Variants in IGSF5 observed in about 807,000 individuals in gnomAD.
The protein encoded by IGSF5 is immunoglobulin superfamily 5 like.
Under a neutral mutation model 39.4 loss-of-function variants are expected in IGSF5, and 41 were observed. The observed-to-expected ratio is 1.04, with a 90% CI of 0.81 to 1.35. The LOEUF (loss-of-function observed/expected upper bound fraction) is 1.35, where lower values mean the gene tolerates loss of function less well. Among genes scored for constraint, IGSF5 ranks in the 40% most tolerant of loss-of-function variants. The pLI is 0.00. For synonymous variants in IGSF5, 183 were observed against 175.3 expected (o/e 1.04, Z -0.34); for missense variants, 487 against 494.6 (o/e 0.98, Z 0.15).
intron 5 of IGSF5, among the ~76,000 whole-genome samples, chr21:39,782,410 C>T (rs1280279376): frequency 6.6e-6 from 1 of 152,176 alleles, no homozygotes; most frequent in Admixed American, 6.5e-5. Flanking sequence ...AGTTCAGTAG[C>T]ATTAAATACA....
intron 3 of IGSF5, 93 bp downstream of exon 3, chr21:39,765,945 G>T: frequency 8.7e-7 from 1 of 1,149,120 alleles, no homozygotes. Context: ...GATGGCAGAC[G>T]TGGTCTACCT....
At chr21:39,737,607 C>T in the IGSF5 span, among the ~76,000 whole-genome samples, 1 of 152,322 alleles carries the variant, frequency 6.6e-6, no homozygotes, top group East Asian at 1.9e-4. Flanking sequence ...AAGGATATTG[C>T]AACTCACACC....
chr21:39,785,259 G>A (rs564886265), intron 5 of IGSF5, among the ~76,000 whole-genome samples: 265 of 149,182 alleles, frequency 1.8e-3, no homozygotes, highest in African/African-American at 6.2e-3. Context: ...GCATGGGCAA[G>A]GACTTTATGT....
chr21:39,763,789 G>A (rs1445877627), intron 2 of IGSF5, among the ~76,000 whole-genome samples: 2 of 152,114 alleles, frequency 1.3e-5, no homozygotes, highest in Non-Finnish European at 2.9e-5. Flanking sequence ...GCGCAGACTC[G>A]GCTGTTTTCT....
the IGSF5 span, among the ~76,000 whole-genome samples, chr21:39,721,196 C>T: frequency 1.2e-4 from 19 of 152,154 alleles, no homozygotes; most frequent in Non-Finnish European, 2.2e-4. Flanking sequence ...AGACAAAACT[C>T]GTGGCCTCCC....
chr21:39,723,774 A>G, the IGSF5 span, among the ~76,000 whole-genome samples: 1 of 152,242 alleles, frequency 6.6e-6, no homozygotes, highest in African/African-American at 2.4e-5. Context: ...TTCTTTGTAA[A>G]AAAATATGAA....
At chr21:39,799,816 C>T (rs1318104181) in intron 8 of IGSF5, among the ~76,000 whole-genome samples, 2 of 151,954 alleles carry the variant, frequency 1.3e-5, no homozygotes, top group Non-Finnish European at 1.5e-5. Flanking sequence ...TTGCATTCAA[C>T]GTAAATGAAA....
the IGSF5 span, among the ~76,000 whole-genome samples, chr21:39,727,020 A>G: frequency 6.6e-6 from 1 of 152,112 alleles, no homozygotes; most frequent in Non-Finnish European, 1.5e-5. Context: ...GGGTGGCCAC[A>G]GTGCTGTAAC....
intron 8 of IGSF5, among the ~76,000 whole-genome samples, chr21:39,793,993 C>T (rs138472323): frequency 4.3e-4 from 65 of 152,274 alleles, no homozygotes; most frequent in Non-Finnish European, 5.0e-4. Flanking sequence ...CCTGGTTACC[C>T]GCTCCCACGT....
intron 2 of IGSF5, among the ~76,000 whole-genome samples, chr21:39,755,612 T>G (rs2080026025): frequency 6.6e-6 from 1 of 151,038 alleles, no homozygotes; most frequent in African/African-American, 2.4e-5. Flanking sequence ...AATTAGTAAA[T>G]GATTTATTTG....
chr21:39,763,963 A>C (rs1476413665), intron 2 of IGSF5, among the ~76,000 whole-genome samples: 1 of 152,042 alleles, frequency 6.6e-6, no homozygotes, highest in Non-Finnish European at 1.5e-5. Flanking sequence ...ACCTAATCTG[A>C]GTTGTGTTTT....
intron 6 of IGSF5, chr21:39,791,555 GTC>G (rs1305096252): frequency 6.5e-6 from 1 of 152,718 alleles, no homozygotes; most frequent in Non-Finnish European, 1.5e-5. Context: ...CAGCCATATG[GTC>G]TCTGTCATGA....
intron 5 of IGSF5, among the ~76,000 whole-genome samples, chr21:39,785,453 A>G (rs2080195651): frequency 1.3e-5 from 2 of 152,164 alleles, no homozygotes; most frequent in African/African-American, 4.8e-5. Flanking sequence ...TGTTTTGGTT[A>G]CTGTAGCCTT....
chr21:39,724,301 A>G, the IGSF5 span, among the ~76,000 whole-genome samples: 5 of 152,136 alleles, frequency 3.3e-5, no homozygotes, highest in Non-Finnish European at 7.3e-5. Context: ...GGAGGTGTAG[A>G]CATTTGACTA....
In IGSF5 at chr21:39,745,498, G is replaced by A. The variant is rs1048679345; in HGVS notation, c.-12G>A. The A allele has an allele frequency of 1.4e-6, 1 of 716,308 alleles. No homozygotes were observed. The highest frequency in any genetic ancestry group is 2.6e-6 in the Non-Finnish European group (1 of 384,758). 44.4% of individuals were successfully genotyped at this position (716,308 alleles called of 1,614,324 possible). ...ATACTTTCAAGAAAGTCGTGTTCGG[G>A]ACCCAGGAGGTATGGGTCAGAAGGA... On this transcript the variant is annotated 5_prime_UTR_variant, in exon 1 of 9. Coordinates refer to ENST00000380588, the MANE Select transcript of IGSF5 (RefSeq NM_001080444.2).
At chr21:39,728,764 C>CT in the IGSF5 span, among the ~76,000 whole-genome samples, 2 of 152,104 alleles carry the variant, frequency 1.3e-5, no homozygotes, top group African/African-American at 4.8e-5. Flanking sequence ...TGAATGAACT[C>CT]TTTTTTTGGT....
At chr21:39,797,957 T>C (rs1471823558) in intron 8 of IGSF5, among the ~76,000 whole-genome samples, 1 of 151,754 alleles carries the variant, frequency 6.6e-6, no homozygotes, top group Non-Finnish European at 1.5e-5. Flanking sequence ...TCAAACTGCC[T>C]TTCCACGCCT....
intron 4 of IGSF5, among the ~76,000 whole-genome samples, chr21:39,771,852 G>C (rs1284795934): frequency 2.0e-5 from 3 of 152,164 alleles, no homozygotes; most frequent in South Asian, 4.1e-4. Context: ...GCCTGGACAG[G>C]GTGGGCCCGG....
intron 2 of IGSF5, among the ~76,000 whole-genome samples, chr21:39,746,678 A>G (rs1374606981): frequency 1.8e-4 from 1 of 5,714 alleles, no homozygotes; most frequent in Non-Finnish European, 5.1e-4. Flanking sequence ...AACACAGTTA[A>G]CAGTTAACAC....
Sources: allele counts gnomAD v4.1 joint callset (sites outside exome capture counted in the v4.1 genomes callset), GRCh38; gene constraint gnomAD v4.1.1; transcripts MANE v1.5; gene names NCBI Gene and HGNC (gene_info 2026-07-23, HGNC 2026-07-21).